Variants in ANTXRL observed in about 807,000 individuals in gnomAD.
ANTXRL encodes the protein anthrax toxin receptor-like.
Under a neutral mutation model 75.4 loss-of-function variants are expected in ANTXRL, and 63 were observed. The ratio of observed to expected loss-of-function variants is 0.84; its 90% CI spans 0.68 to 1.03. The LOEUF is 1.03. ANTXRL is among the 50% of genes least tolerant of loss of function. The pLI, the probability that ANTXRL is intolerant of heterozygous loss-of-function variation, is 0.00. For missense variants in ANTXRL, 797 were observed against 789.4 expected (o/e 1.01, Z -0.12); for synonymous variants, 335 against 291.3 (o/e 1.15, Z -1.53).
At position 46,293,877 on chromosome 10, in the gene ANTXRL, T is replaced by C; in HGVS notation, c.369T>C (p.Thr123=). 1 of 1,535,724 alleles carries C rather than the reference T, an allele frequency of 6.5e-7. No homozygotes were observed. The highest frequency in any genetic ancestry group is 8.7e-7 in the Non-Finnish European group (1 of 1,146,674). Residue 123 remains threonine (T), a synonymous_variant, in exon 3 of 17, where the codon ACT becomes ACC. Coordinates refer to ENST00000620264, the MANE Select transcript of ANTXRL (RefSeq NM_001278688.3). ...CFITYSTDGQ[T]VLPLTSDKNR... is the part of the protein sequence containing the mutation. Reference sequence around the variant, plus strand: ...TCACCTACTCCACAGACGGCCAGACTGTCTTGCCACTCACCTCAGACAAGT... The same window carrying C: ...TCACCTACTCCACAGACGGCCAGACCGTCTTGCCACTCACCTCAGACAAGT...
chr10:46,308,112 G>T (rs1838201137), intron 12 of ANTXRL, among the ~76,000 whole-genome samples: 1 of 152,156 alleles, frequency 6.6e-6, no homozygotes, highest in South Asian at 2.1e-4. Context: ...GGGACGGGCG[G>T]GAGGCCTGAG....
In ANTXRL at chr10:46,287,186, AGGGGCCTGTGCTCAGCCTCTCT is replaced by A. The variant is rs2132624321; in HGVS notation, c.-73_-52del. The stretch of plus-strand genomic sequence containing the variant: ...CGGGCATAAGGGGAGGCGGCAAAGA[AGGGGCCTGTGCTCAGCCTCTCT>A]GGGCCCTGGCACAGGCACCCAAGAG... On this transcript the variant is annotated 5_prime_UTR_variant, in exon 1 of 17. Coordinates refer to ENST00000620264, the MANE Select transcript of ANTXRL (RefSeq NM_001278688.3). The A allele has an allele frequency of 6.7e-7, 1 of 1,485,486 alleles. No individual in the cohort carries two copies. The highest frequency in any genetic ancestry group is 2.5e-5 in the East Asian group (1 of 40,600). 92.0% of individuals were successfully genotyped at this position (1,485,486 alleles called of 1,614,324 possible).
At chr10:46,312,983 T>A (rs1471819661) in intron 15 of ANTXRL, among the ~76,000 whole-genome samples, 9 of 152,198 alleles carry the variant, frequency 5.9e-5, no homozygotes, top group Non-Finnish European at 8.8e-5. Flanking sequence ...TTGGACTTTT[T>A]ATCTGAATCT....
chr10:46,307,525 G>A, intron 12 of ANTXRL, 45 bp downstream of exon 12: 1 of 1,484,438 alleles, frequency 6.7e-7, no homozygotes, highest in Non-Finnish European at 9.1e-7. Context: ...GGACTGTCCA[G>A]AGCCTCTGCA....
At chr10:46,327,103 G>A (rs1187192115) in intron 16 of ANTXRL, among the ~76,000 whole-genome samples, 2 of 152,128 alleles carry the variant, frequency 1.3e-5, no homozygotes, top group Admixed American at 1.3e-4. Context: ...CAGGATGGCT[G>A]GGCTTGGGCG....
intron 9 of ANTXRL, among the ~76,000 whole-genome samples, chr10:46,299,556 T>C (rs1443108864): frequency 6.6e-6 from 1 of 152,054 alleles, no homozygotes; most frequent in Admixed American, 6.5e-5. Context: ...GAGAGGACAT[T>C]ACTAGGCCCT....
intron 10 of ANTXRL, among the ~76,000 whole-genome samples, chr10:46,303,991 C>A (rs749391121): frequency 2.4e-4 from 37 of 152,138 alleles, no homozygotes; most frequent in Admixed American, 9.8e-4. Flanking sequence ...GGCTTCTTGA[C>A]CTTTTTCCTC....
chr10:46,302,661 G>A, intron 9 of ANTXRL, 61 bp from the exon 10 acceptor site: 1 of 1,266,226 alleles, frequency 7.9e-7, no homozygotes, highest in South Asian at 1.3e-5. Flanking sequence ...GAATAGGGAG[G>A]TCAGAGGGGA....
At chr10:46,318,046 A>G (rs1838818749) in intron 16 of ANTXRL, among the ~76,000 whole-genome samples, 1 of 152,062 alleles carries the variant, frequency 6.6e-6, no homozygotes, top group African/African-American at 2.4e-5. Flanking sequence ...TCATCAGTGC[A>G]AGTGTAGACC....
Position 46,310,509 on chromosome 10 carries a change from A to T in ANTXRL, c.1173+10A>T. 6.5e-7 allele frequency: 1 copy of T among 1,536,088 alleles called. No individual in the cohort carries two copies. Among genetic ancestry groups the T allele is most frequent in the South Asian group, 1.2e-5 (1 of 84,032 alleles). ...GCAGAAGCCAGAAAAGGTAAGTTGC[A>T]GTTCTGGTCCCGATATTGTCACATC... On this transcript the variant is annotated intron_variant, in intron 14 of 16. Transcript: ENST00000620264.
chr10:46,308,765 C>G, intron 12 of ANTXRL: 1 of 368,878 alleles, frequency 2.7e-6, no homozygotes, highest in East Asian at 6.7e-5. Flanking sequence ...GGGTCTCCTG[C>G]CCCTGCTCCT....
intron 1 of ANTXRL, among the ~76,000 whole-genome samples, chr10:46,289,704 G>A (rs1414771701): frequency 1.8e-4 from 28 of 152,220 alleles, no homozygotes; most frequent in African/African-American, 6.7e-4. Context: ...ACTCCATCCT[G>A]GGCGACAGAG....
chr10:46,307,290 T>C (rs1463781431), intron 11 of ANTXRL, 112 bp from the exon 12 acceptor site: 2 of 805,198 alleles, frequency 2.5e-6, no homozygotes, highest in African/African-American at 3.4e-5. Context: ...TCATCATTGC[T>C]AAGTTTACCT....
intron 2 of ANTXRL, among the ~76,000 whole-genome samples, chr10:46,293,504 CACCT>C (rs1837163645): frequency 3.3e-5 from 3 of 91,522 alleles, no homozygotes; most frequent in Admixed American, 2.2e-4. Flanking sequence ...GTGGTGTGTG[CACCT>C]GTGTGTGTGT....
chr10:46,298,485 TGG>T (rs1218947927), intron 9 of ANTXRL, among the ~76,000 whole-genome samples: 1 of 151,120 alleles, frequency 6.6e-6, no homozygotes, highest in Non-Finnish European at 1.5e-5. Flanking sequence ...AATATGCATG[TGG>T]GGGTGTGAGT....
intron 16 of ANTXRL, among the ~76,000 whole-genome samples, chr10:46,319,350 C>T (rs577296195): frequency 5.3e-5 from 8 of 152,116 alleles, no homozygotes; most frequent in South Asian, 2.1e-4. Flanking sequence ...TATGCTCTTG[C>T]TGACTTAGTA....
intron 10 of ANTXRL, among the ~76,000 whole-genome samples, chr10:46,305,517 G>A (rs1838023234): frequency 6.6e-6 from 1 of 152,128 alleles, no homozygotes; most frequent in Non-Finnish European, 1.5e-5. Flanking sequence ...TCAATACCAC[G>A]GGTTCTGCCA....
chr10:46,298,137 T>C, intron 9 of ANTXRL, 75 bp downstream of exon 9: 1 of 1,131,086 alleles, frequency 8.8e-7, no homozygotes, highest in Non-Finnish European at 1.3e-6. Flanking sequence ...GTGTGTGCAT[T>C]TGTTTGGTAT....
At position 46,330,050 on chromosome 10, in the gene ANTXRL, C is replaced by G; in HGVS notation, c.1862C>G (p.Pro621Arg). 6.6e-7 allele frequency: 1 copy of G among 1,520,264 alleles called. No homozygotes were observed. Among genetic ancestry groups the G allele is most frequent in the Non-Finnish European group, 8.8e-7 (1 of 1,134,878 alleles). The allele number at this position is 1,520,264 out of a possible 1,614,324, so 94.2% of individuals were successfully genotyped here. ...SPLLRHTAEP[P>R]LSLPPSEPNF Reference sequence around the variant, plus strand: ...CTGCTCAGGCACACGGCAGAACCCCCTTTGTCACTCCCCCCCTCAGAGCCC... The same window carrying G: ...CTGCTCAGGCACACGGCAGAACCCCGTTTGTCACTCCCCCCCTCAGAGCCC... The change falls in exon 17 of 17, where the codon CCT becomes CGT. Residue 621 changes from proline to arginine, a missense_variant. Coordinates refer to ENST00000620264, the MANE Select transcript of ANTXRL (RefSeq NM_001278688.3).
Sources: gnomAD v4.1 joint callset for allele counts (sites outside exome capture counted in the v4.1 genomes callset) on GRCh38, gnomAD v4.1.1 for gene constraint, MANE v1.5 for transcripts, NCBI Gene and HGNC (gene_info 2026-07-23, HGNC 2026-07-21) for gene names.